Variants in FGF14 observed in about 807,000 individuals in gnomAD.
The protein encoded by FGF14 is fibroblast growth factor 14, also known as fibroblast growth factor homologous factor 4.
In FGF14, 5 loss-of-function variants were observed where a neutral mutation model predicts 25.5. The ratio of observed to expected loss-of-function variants is 0.20; its 90% CI spans 0.10 to 0.41. The LOEUF is 0.41. FGF14 is among the 10% of genes least tolerant of loss of function. FGF14 has a pLI of 1.00. For synonymous variants in FGF14, 138 were observed against 118.3 expected, an observed-to-expected ratio of 1.17 and a Z score of -1.08; for missense variants, 222 against 320.1, an observed-to-expected ratio of 0.69 and a Z score of 2.34.
At chr13:101,730,437 G>A (rs1014409427) in intron 3 of FGF14, among the ~76,000 whole-genome samples, 1 of 152,172 alleles carries the variant, frequency 6.6e-6, no homozygotes, top group East Asian at 1.9e-4. Flanking sequence ...AGGACAAAAA[G>A]AGAAAGACTA....
At chr13:101,947,126 C>T (rs774810164) in intron 1 of FGF14, among the ~76,000 whole-genome samples, 3 of 152,056 alleles carry the variant, frequency 2.0e-5, no homozygotes, top group Non-Finnish European at 4.4e-5. Context: ...AAATCAAGAC[C>T]ACAATGAGAT....
intron 1 of FGF14, among the ~76,000 whole-genome samples, chr13:101,995,087 T>G (rs922244028): frequency 2.0e-5 from 3 of 152,164 alleles, no homozygotes; most frequent in African/African-American, 7.2e-5. Context: ...GCAATTTGAA[T>G]AGAGCATATT....
At chr13:102,045,141 G>C (rs1203486822) in intron 1 of FGF14, among the ~76,000 whole-genome samples, 2 of 152,042 alleles carry the variant, frequency 1.3e-5, no homozygotes, top group Non-Finnish European at 2.9e-5. Context: ...ACATTATAGG[G>C]TGAAGTTTCA....
intron 1 of FGF14, among the ~76,000 whole-genome samples, chr13:101,905,990 C>T (rs1253351112): frequency 6.6e-6 from 1 of 151,442 alleles, no homozygotes; most frequent in Non-Finnish European, 1.5e-5. Flanking sequence ...ATGTGGTATG[C>T]AACACTTCTC....
chr13:102,109,776 C>G (rs1004520579), intron 1 of FGF14, among the ~76,000 whole-genome samples: 1 of 152,044 alleles, frequency 6.6e-6, no homozygotes, highest in Middle Eastern at 3.2e-3. Flanking sequence ...CCTGCCACAA[C>G]GCCCAGGTAA....
At chr13:102,243,655 G>GTTTTTTTTTTTTTTTT (rs3066872) in intron 1 of FGF14, among the ~76,000 whole-genome samples, 1 of 142,196 alleles carries the variant, frequency 7.0e-6, no homozygotes. Context: ...CTTTGGGCAT[G>GTTTTTTTTTTTTTTTT]TTTTTTTTTT....
At chr13:102,010,772 G>A (rs2040036366) in intron 1 of FGF14, among the ~76,000 whole-genome samples, 1 of 152,116 alleles carries the variant, frequency 6.6e-6, no homozygotes, top group South Asian at 2.1e-4. Context: ...TTTAGATAAT[G>A]CAACTGGCAA....
intron 1 of FGF14, among the ~76,000 whole-genome samples, chr13:102,099,784 TTAA>T (rs983257394): frequency 2.0e-5 from 3 of 152,150 alleles, no homozygotes; most frequent in Non-Finnish European, 2.9e-5. Flanking sequence ...AATAAAATTC[TTAA>T]TAATTATTTG....
intron 1 of FGF14, among the ~76,000 whole-genome samples, chr13:102,343,213 T>G (rs1005365827): frequency 6.6e-6 from 1 of 152,072 alleles, no homozygotes; most frequent in South Asian, 2.1e-4. Context: ...AATAAGAGCT[T>G]AGGGTCTAAG....
chr13:101,901,393 G>A (rs1297428625), intron 1 of FGF14, among the ~76,000 whole-genome samples: 4 of 152,080 alleles, frequency 2.6e-5, no homozygotes, highest in Non-Finnish European at 4.4e-5. Context: ...CCCAAGTGAA[G>A]AGGGAGTCAT....
intron 1 of FGF14, among the ~76,000 whole-genome samples, chr13:101,965,295 T>C (rs1371553051): frequency 6.6e-6 from 1 of 151,940 alleles, no homozygotes; most frequent in Non-Finnish European, 1.5e-5. Context: ...AGTGAAGTTA[T>C]TGCAAACGCT....
chr13:102,070,928 T>C (rs1315674341), intron 1 of FGF14, among the ~76,000 whole-genome samples: 1 of 149,314 alleles, frequency 6.7e-6, no homozygotes, highest in African/African-American at 2.5e-5. Flanking sequence ...GACTGCAATC[T>C]TGTTTGCTAG....
chr13:102,099,615 G>A (rs891052007), intron 1 of FGF14, among the ~76,000 whole-genome samples: 6 of 151,718 alleles, frequency 4.0e-5, no homozygotes, highest in Admixed American at 6.6e-5. Flanking sequence ...TAAGCAACTA[G>A]CAAGTAGGAA....
chr13:102,061,519 A>T (rs549583616), intron 1 of FGF14, among the ~76,000 whole-genome samples: 1 of 152,366 alleles, frequency 6.6e-6, no homozygotes, highest in Middle Eastern at 3.4e-3. Flanking sequence ...GGTTTTACTC[A>T]CTTTTATAGA....
chr13:101,803,679 C>A (rs974433045), intron 3 of FGF14, among the ~76,000 whole-genome samples: 1 of 152,132 alleles, frequency 6.6e-6, no homozygotes, highest in African/African-American at 2.4e-5. Flanking sequence ...AACTTAGTAA[C>A]AGATTGACTA....
intron 3 of FGF14, among the ~76,000 whole-genome samples, chr13:101,822,198 A>G (rs2042187646): frequency 6.6e-6 from 1 of 152,148 alleles, no homozygotes. Flanking sequence ...GGTAGGGATT[A>G]TGGCTCCCAC....
intron 1 of FGF14, among the ~76,000 whole-genome samples, chr13:102,156,191 G>A (rs1014711397): frequency 1.3e-5 from 2 of 152,068 alleles, no homozygotes; most frequent in African/African-American, 4.8e-5. Context: ...CCAAAGCCGG[G>A]CAGAGACACA....
chr13:102,272,850 C>T (rs775097374), intron 1 of FGF14, among the ~76,000 whole-genome samples: 1 of 152,034 alleles, frequency 6.6e-6, no homozygotes, highest in Non-Finnish European at 1.5e-5. Context: ...ACTGTCTTAA[C>T]CACTGTACTA....
At chr13:101,858,328 A>G (rs2044234367) in intron 3 of FGF14, among the ~76,000 whole-genome samples, 1 of 151,922 alleles carries the variant, frequency 6.6e-6, no homozygotes, top group African/African-American at 2.4e-5. Context: ...TTAAAGATGC[A>G]CAATTTTGCT....
Sources: allele counts gnomAD v4.1 joint callset (sites outside exome capture counted in the v4.1 genomes callset), GRCh38; gene constraint gnomAD v4.1.1; transcripts MANE v1.5; gene names NCBI Gene and HGNC (gene_info 2026-07-23, HGNC 2026-07-21).